Variants in SLIT3 observed in about 807,000 individuals in gnomAD.
SLIT3 encodes the protein slit guidance ligand 3.
Under a neutral mutation model 184.0 loss-of-function variants are expected in SLIT3, and 68 were observed. The ratio of observed to expected loss-of-function variants is 0.37; its 90% CI spans 0.30 to 0.45. The LOEUF is 0.45. Among genes scored for constraint, SLIT3 ranks in the 20% least tolerant of loss-of-function variants. The pLI, the probability that SLIT3 is intolerant of heterozygous loss-of-function variation, is 1.00. For missense variants in SLIT3, 1,707 were observed against 2,026.0 expected (o/e 0.84, Z 3.02); for synonymous variants, 831 against 828.6 (o/e 1.00, Z -0.05).
chr5:169,122,095 C>A (rs1381049259), intron 4 of SLIT3, among the ~76,000 whole-genome samples: 1 of 152,190 alleles, frequency 6.6e-6, no homozygotes, highest in Non-Finnish European at 1.5e-5. Flanking sequence ...CCCCAGACTG[C>A]CCTGCAGATA....
chr5:168,924,893 A>G (rs1761763829), intron 4 of SLIT3, among the ~76,000 whole-genome samples: 1 of 152,182 alleles, frequency 6.6e-6, no homozygotes, highest in African/African-American at 2.4e-5. Context: ...TGGACTCTGC[A>G]GAGCAGAGCG....
At chr5:168,792,315 A>G (rs530725807) in intron 10 of SLIT3, 26 of 152,370 alleles carry the variant, frequency 1.7e-4, no homozygotes, top group African/African-American at 6.3e-4. Context: ...AAACCTCACG[A>G]GGGTGTAGAT....
chr5:169,111,899 GGGTGTCC>G (rs998199600), intron 4 of SLIT3, among the ~76,000 whole-genome samples: 3 of 152,190 alleles, frequency 2.0e-5, no homozygotes, highest in Admixed American at 6.5e-5. Flanking sequence ...AGATATCTGG[GGGTGTCC>G]TCTGCATCTT....
At chr5:168,798,241 A>T (rs1275586033) in intron 9 of SLIT3, among the ~76,000 whole-genome samples, 1 of 36,508 alleles carries the variant, frequency 2.7e-5, no homozygotes, top group African/African-American at 2.0e-4. Flanking sequence ...TTTTTTTTTA[A>T]GAGACAGAGT....
intron 1 of SLIT3, among the ~76,000 whole-genome samples, chr5:169,282,798 T>A (rs905818514): frequency 6.6e-6 from 1 of 152,242 alleles, no homozygotes; most frequent in South Asian, 2.1e-4. Flanking sequence ...ATGTTTTACA[T>A]ATCTTACCTC....
At chr5:168,956,421 G>C (rs1226639596) in intron 4 of SLIT3, among the ~76,000 whole-genome samples, 1 of 152,098 alleles carries the variant, frequency 6.6e-6, no homozygotes, top group Non-Finnish European at 1.5e-5. Flanking sequence ...AAGTATATAT[G>C]ATGAAATATT....
At chr5:168,802,853 AC>A (rs1459118800) in intron 9 of SLIT3, among the ~76,000 whole-genome samples, 1 of 152,230 alleles carries the variant, frequency 6.6e-6, no homozygotes, top group Admixed American at 6.5e-5. Flanking sequence ...ATATTCGTTC[AC>A]CTAACTTTCA....
chr5:168,674,309 C>T (rs1191875424), intron 32 of SLIT3, among the ~76,000 whole-genome samples: 2 of 152,042 alleles, frequency 1.3e-5, no homozygotes, highest in Non-Finnish European at 2.9e-5. Context: ...AGGTTCAGGT[C>T]GAATGTCCCT....
At chr5:169,212,830 A>C (rs191813568) in intron 3 of SLIT3, among the ~76,000 whole-genome samples, 39 of 152,302 alleles carry the variant, frequency 2.6e-4, no homozygotes, top group African/African-American at 9.1e-4. Flanking sequence ...CTAAGGTATA[A>C]GGAAGGCGTC....
intron 3 of SLIT3, among the ~76,000 whole-genome samples, chr5:169,223,425 T>A (rs1764683741): frequency 6.6e-6 from 1 of 152,220 alleles, no homozygotes; most frequent in Admixed American, 6.5e-5. Context: ...ATAATTCATG[T>A]GCTCTTCCTC....
chr5:169,076,780 T>G (rs1758759161), intron 4 of SLIT3, among the ~76,000 whole-genome samples: 1 of 152,190 alleles, frequency 6.6e-6, no homozygotes, highest in Admixed American at 6.5e-5. Flanking sequence ...AGACTTGAGC[T>G]AAGCAGAAAT....
At chr5:169,078,577 A>C (rs942571759) in intron 4 of SLIT3, among the ~76,000 whole-genome samples, 3 of 151,932 alleles carry the variant, frequency 2.0e-5, no homozygotes, top group Non-Finnish European at 4.4e-5. Context: ...TTTCCTTGTT[A>C]CTCTCCAGCT....
chr5:169,207,372 C>CAT (rs35504412), intron 3 of SLIT3, among the ~76,000 whole-genome samples: 16,753 of 60,966 alleles, frequency 0.27, 911 homozygotes, highest in East Asian at 0.43. Flanking sequence ...CACATACATA[C>CAT]ACACACACAC....
At chr5:168,949,415 G>T (rs915666681) in intron 4 of SLIT3, among the ~76,000 whole-genome samples, 2 of 152,106 alleles carry the variant, frequency 1.3e-5, no homozygotes, top group Non-Finnish European at 2.9e-5. Context: ...TCTCAGTCCT[G>T]GGAACGTATC....
chr5:168,687,596 C>G (rs1318820109), intron 29 of SLIT3, among the ~76,000 whole-genome samples: 1 of 152,208 alleles, frequency 6.6e-6, no homozygotes, highest in Non-Finnish European at 1.5e-5. Flanking sequence ...TTAGTTTACA[C>G]TTGCGTGTCA....
chr5:169,214,030 G>A lies in SLIT3; in HGVS notation c.342-20480C>T, dbSNP rs78497075. 4.1e-3 allele frequency among the ~76,000 whole-genome samples: 622 copies of A among 152,298 alleles called. 4 individuals are homozygous for A. The highest frequency in any genetic ancestry group is 0.02 in the Middle Eastern group (6 of 294). On this transcript the variant is annotated intron_variant, in intron 3 of 35. Coordinates refer to ENST00000519560, the MANE Select transcript of SLIT3 (RefSeq NM_003062.4). ...CACTTGGTGGTGAGAGCTAAGCCATGAGCATTGGGAGAGTCTGTCATTTAC... is the reference window on the plus strand; with the variant it reads ...CACTTGGTGGTGAGAGCTAAGCCATAAGCATTGGGAGAGTCTGTCATTTAC...
At chr5:169,048,034 A>C (rs1757686723) in intron 4 of SLIT3, among the ~76,000 whole-genome samples, 1 of 152,170 alleles carries the variant, frequency 6.6e-6, no homozygotes, top group Non-Finnish European at 1.5e-5. Flanking sequence ...AAACTATGTC[A>C]AACTCTGCTC....
chr5:168,774,733 T>C (rs1452038564), intron 12 of SLIT3, among the ~76,000 whole-genome samples: 1 of 152,168 alleles, frequency 6.6e-6, no homozygotes, highest in East Asian at 1.9e-4. Flanking sequence ...AAAAAAATCA[T>C]TTGGCATAAT....
chr5:169,249,824 A>G (rs1489142491), intron 2 of SLIT3, among the ~76,000 whole-genome samples: 2 of 152,256 alleles, frequency 1.3e-5, no homozygotes, highest in Non-Finnish European at 2.9e-5. Flanking sequence ...GACTTGGCAC[A>G]GGGTGTGCCT....
Sources: gnomAD v4.1 joint callset for allele counts (sites outside exome capture counted in the v4.1 genomes callset) on GRCh38, gnomAD v4.1.1 for gene constraint, MANE v1.5 for transcripts, NCBI Gene and HGNC (gene_info 2026-07-23, HGNC 2026-07-21) for gene names.